POLR1A: variants seen among roughly 807,000 people sequenced by gnomAD.
POLR1A encodes DNA-directed RNA polymerase I subunit RPA1.
Under a neutral mutation model 205.3 loss-of-function variants are expected in POLR1A, and 84 were observed. The observed-to-expected ratio is 0.41, with a 90% CI of 0.34 to 0.49. The LOEUF is 0.49. Among genes scored for constraint, POLR1A ranks in the 20% least tolerant of loss-of-function variants. The pLI is 0.22. For missense variants in POLR1A, 1,645 were observed against 2,204.5 expected (o/e 0.75, Z 5.08); for synonymous variants, 799 against 863.7 (o/e 0.93, Z 1.31).
chr2:86,098,874 C>T, intron 2 of POLR1A, 114 bp from the exon 3 acceptor site: 1 of 845,288 alleles, frequency 1.2e-6, no homozygotes, highest in Middle Eastern at 3.2e-4. Context: ...TTTAAAAACT[C>T]TACTTCAGCC....
intron 18 of POLR1A, 148 bp downstream of exon 18, chr2:86,048,736 A>C (rs961856142): frequency 5.8e-6 from 4 of 687,294 alleles, no homozygotes; most frequent in Non-Finnish European, 9.9e-6. Context: ...CAAAACAACG[A>C]GTTCTACCCA....
chr2:86,034,900 T>C (rs1672466625), intron 27 of POLR1A, among the ~76,000 whole-genome samples: 1 of 151,384 alleles, frequency 6.6e-6, no homozygotes, highest in African/African-American at 2.4e-5. Flanking sequence ...CGAGATGGAG[T>C]CTCTCTATCC....
chr2:86,073,546 C>G (rs1388877591), intron 12 of POLR1A, among the ~76,000 whole-genome samples: 1 of 152,228 alleles, frequency 6.6e-6, no homozygotes, highest in Non-Finnish European at 1.5e-5. Flanking sequence ...TGACCCCAAA[C>G]TCTCCCTGCC....
In POLR1A at chr2:86,023,435, T is replaced by C. The variant is rs1028867312; in HGVS notation, c.*3988A>G. On this transcript the variant is annotated 3_prime_UTR_variant, in exon 34 of 34. Coordinates refer to ENST00000263857, the MANE Select transcript of POLR1A (RefSeq NM_015425.6). ...CAGGTGCAAACTAAAAATTTTAAGA[T>C]TGGCAAGCAACAGACACTCCTTAAG... 6.6e-6 allele frequency: 1 copy of C among 152,132 alleles called. No homozygotes were observed. The highest frequency in any genetic ancestry group is 2.4e-5 in the African/African-American group (1 of 41,412). 9.4% of individuals were successfully genotyped at this position (152,132 alleles called of 1,614,324 possible). A position where few individuals can be genotyped will look rare whatever the true frequency, so the allele number is the denominator to read the frequency against.
chr2:86,096,391 C>G (rs962808412), intron 3 of POLR1A, among the ~76,000 whole-genome samples: 2 of 151,896 alleles, frequency 1.3e-5, no homozygotes, highest in African/African-American at 4.8e-5. Flanking sequence ...TATCAAAATA[C>G]CAATGACATT....
Position 86,052,955 on chromosome 2 carries a change from C to A in POLR1A, c.2254G>T (p.Ala752Ser), listed in dbSNP as rs202184829. The change falls in exon 16 of 34, where the codon GCG (alanine) becomes TCG (serine). Residue 752 changes from alanine (A) to serine (S), a missense_variant. By Grantham distance (99) the Ala-to-Ser change is moderately conservative (BLOSUM62 1). Around this residue, in one of 16 missense-constraint regions of POLR1A, gnomAD observed 339 missense variants for 415.1 expected, o/e 0.82. Transcript: ENST00000263857. ...GELLCGVLDK[A>S]HYGSSAYGLV... ...CCGTAGGCGGAGCTCCCATAGTGCGCCTTGTCCAGCACTCCGCAGAGCAGC... is the reference window on the plus strand; with the variant it reads ...CCGTAGGCGGAGCTCCCATAGTGCGACTTGTCCAGCACTCCGCAGAGCAGC... 4.1e-4 allele frequency: 652 copies of A among 1,607,506 alleles called. No homozygotes were observed. The highest frequency in any genetic ancestry group is 5.1e-4 in the Non-Finnish European group (604 of 1,176,754).
At chr2:86,035,467 C>A (rs1432398527) in intron 27 of POLR1A, among the ~76,000 whole-genome samples, 2 of 152,176 alleles carry the variant, frequency 1.3e-5, no homozygotes, top group African/African-American at 4.8e-5. Flanking sequence ...CACTCTGCAC[C>A]CGAGGCTACT....
intron 3 of POLR1A, among the ~76,000 whole-genome samples, chr2:86,095,343 C>T (rs932634891): frequency 7.9e-5 from 12 of 152,050 alleles, no homozygotes; most frequent in Non-Finnish European, 1.2e-4. Flanking sequence ...AATGTAGATC[C>T]TAGCCATCAA....
chr2:86,049,494 C>T (rs893702443), intron 16 of POLR1A, among the ~76,000 whole-genome samples: 4 of 152,164 alleles, frequency 2.6e-5, no homozygotes, highest in Non-Finnish European at 5.9e-5. Flanking sequence ...TTCCCATGGT[C>T]GTATGGGTAG....
chr2:86,088,581 C>T lies in POLR1A; in HGVS notation c.715G>A (p.Asp239Asn), dbSNP rs1336111638. 10 of 1,613,140 alleles carry T rather than the reference C, an allele frequency of 6.2e-6. No homozygotes were observed. Among genetic ancestry groups the T allele is most frequent in the Non-Finnish European group, 8.5e-6 (10 of 1,179,164 alleles). ...AMVHRTAGQKDSEPLGIEEAQ... is the reference protein window; with the variant it reads ...AMVHRTAGQKNSEPLGIEEAQ... ...GCCTGCTCACCCAGGGGCTCAGAGT[C>T]CTTCTGGCCAGCTGTCCTGTGCACC... is the stretch of plus-strand genomic sequence containing the variant. The change falls in exon 6 of 34, where the codon GAC becomes AAC. Residue 239 changes from aspartate (D) to asparagine (N), a missense_variant. Around this residue, in one of 16 missense-constraint regions of POLR1A, gnomAD observed 330 missense variants for 375.6 expected, o/e 0.88. Coordinates refer to ENST00000263857, the MANE Select transcript of POLR1A (RefSeq NM_015425.6).
chr2:86,027,209 G>T lies in POLR1A; in HGVS notation c.*214C>A, dbSNP rs1672276858. 3.4e-6 allele frequency: 2 copies of T among 587,088 alleles called. No individual in the cohort carries two copies. Among genetic ancestry groups the T allele is most frequent in the Non-Finnish European group, 3.0e-6 (1 of 328,768 alleles). 36.4% of individuals were successfully genotyped at this position (587,088 alleles called of 1,614,324 possible). On this transcript the variant is annotated 3_prime_UTR_variant, in exon 34 of 34. Transcript: ENST00000263857. ...ACCTTGATAAAAATCCAGAGACAGG[G>T]AGGGGCAAGGATGAGCAACTCTGTC...
At chr2:86,100,534 T>C (rs551995681) in intron 1 of POLR1A, among the ~76,000 whole-genome samples, 2 of 147,730 alleles carry the variant, frequency 1.4e-5, no homozygotes, top group South Asian at 4.2e-4. Flanking sequence ...CATTATTCTG[T>C]CTTTTTTTTT....
At chr2:86,055,274 G>C (rs139625505) in intron 14 of POLR1A, among the ~76,000 whole-genome samples, 32 of 149,456 alleles carry the variant, frequency 2.1e-4, no homozygotes, top group African/African-American at 7.1e-4. Flanking sequence ...CAGCCTGGGT[G>C]AGAGAGTGGA....
At chr2:86,073,798 C>T (rs1371494408) in intron 12 of POLR1A, among the ~76,000 whole-genome samples, 2 of 152,202 alleles carry the variant, frequency 1.3e-5, no homozygotes, top group African/African-American at 4.8e-5. Context: ...TCATCCCTCA[C>T]CCCTTCTCCT....
At chr2:86,102,666 A>G (rs1305499071) in intron 1 of POLR1A, among the ~76,000 whole-genome samples, 3 of 152,234 alleles carry the variant, frequency 2.0e-5, no homozygotes, top group Non-Finnish European at 4.4e-5. Flanking sequence ...GATGATTAGA[A>G]GATAACATAC....
chr2:86,075,061 G>T lies in POLR1A; in HGVS notation c.1580C>A (p.Thr527Lys). ...AVAKQLLTPA[T>K]GAPKPQGTKI... is the part of the protein sequence containing the mutation. ...TGTCCCCTGGGGCTTAGGTGCCCCCGTGGCTGGGGTCAGAAGCTGCTTGGC... is the reference window on the plus strand; with the variant it reads ...TGTCCCCTGGGGCTTAGGTGCCCCCTTGGCTGGGGTCAGAAGCTGCTTGGC... Residue 527 changes from threonine to lysine, a missense_variant, in exon 12 of 34, where the codon ACG becomes AAG. This residue lies in a region of POLR1A where 131 missense variants were observed against 214.5 expected (regional missense o/e 0.61). Transcript: ENST00000263857. The T allele has an allele frequency of 6.2e-7, 1 of 1,611,404 alleles. No homozygotes were observed. Among genetic ancestry groups the T allele is most frequent in the Non-Finnish European group, 8.5e-7 (1 of 1,179,656 alleles).
At chr2:86,062,943 A>G (rs986176916) in intron 14 of POLR1A, among the ~76,000 whole-genome samples, 1 of 152,252 alleles carries the variant, frequency 6.6e-6, no homozygotes, top group Non-Finnish European at 1.5e-5. Flanking sequence ...GATGAAATGG[A>G]CAAATTCCCT....
chr2:86,073,198 C>CA (rs1335014600), intron 12 of POLR1A, among the ~76,000 whole-genome samples: 8 of 32,314 alleles, frequency 2.5e-4, no homozygotes, highest in African/African-American at 1.0e-3. Context: ...GACCTTGTCT[C>CA]AAAAAAAAAT....
At position 86,031,345 on chromosome 2, in the gene POLR1A, C is replaced by G. The variant is rs1274002761; in HGVS notation, c.4563G>C (p.Glu1521Asp). The part of the protein sequence containing the change: ...FIDDYQYDTE[E>D]SLWCQVTVKL... The stretch of plus-strand genomic sequence containing the variant: ...CCACACTGACCTGGCACCACAGGCT[C>G]TCCTCGGTGTCGTACTGGTAGTCAT... The change falls in exon 30 of 34, where the codon GAG becomes GAC. Residue 1521 changes from glutamate (E) to aspartate (D), a missense_variant. Coordinates refer to ENST00000263857, the MANE Select transcript of POLR1A (RefSeq NM_015425.6). 1.0e-5 allele frequency: 16 copies of G among 1,556,530 alleles called. No homozygotes were observed. Among genetic ancestry groups the G allele is most frequent in the Middle Eastern group, 1.7e-4 (1 of 5,792 alleles).
Sources: allele counts gnomAD v4.1 joint callset (sites outside exome capture counted in the v4.1 genomes callset), GRCh38; gene constraint gnomAD v4.1.1; regional missense constraint gnomAD v4.1.1; transcripts MANE v1.5; gene names NCBI Gene and HGNC (gene_info 2026-07-23, HGNC 2026-07-21).